The following MB21D2 variants were observed in gnomAD, a reference collection of about 807,000 sequenced individuals.
MB21D2 encodes Mab-21 domain containing 2.
MB21D2 carries 9 observed loss-of-function variants against 33.3 expected under a neutral mutation model. The ratio of observed to expected loss-of-function variants is 0.27; its 90% CI spans 0.16 to 0.47. The LOEUF is 0.47. Among genes scored for constraint, MB21D2 ranks in the 20% least tolerant of loss-of-function variants. MB21D2 has a pLI of 0.99. For synonymous variants in MB21D2, 241 were observed against 236.3 expected, an observed-to-expected ratio of 1.02 and a Z score of -0.18; for missense variants, 540 against 624.6, an observed-to-expected ratio of 0.86 and a Z score of 1.44.
chr3:192,808,119 T>C (rs192945513), intron 1 of MB21D2, among the ~76,000 whole-genome samples: 72 of 152,276 alleles, frequency 4.7e-4, no homozygotes, highest in Middle Eastern at 3.4e-3. Context: ...GGCATGCAAA[T>C]GACATACATC....
intron 1 of MB21D2, among the ~76,000 whole-genome samples, chr3:192,827,185 T>C (rs6444664): frequency 0.67 from 101,350 of 151,616 alleles, 35,984 homozygotes; most frequent in African/African-American, 0.92. Context: ...CGTGAGCCAC[T>C]GCGCCCGGCA....
chr3:192,815,569 G>A (rs904358476), intron 1 of MB21D2, among the ~76,000 whole-genome samples: 5 of 152,196 alleles, frequency 3.3e-5, no homozygotes, highest in African/African-American at 1.2e-4. Context: ...GTTAGAGGAA[G>A]GAATTTACTG....
At chr3:192,873,023 A>G (rs550132857) in intron 1 of MB21D2, among the ~76,000 whole-genome samples, 1 of 151,844 alleles carries the variant, frequency 6.6e-6, no homozygotes, top group East Asian at 1.9e-4. Flanking sequence ...CCCCCCACCA[A>G]GCAAGCAACT....
intron 1 of MB21D2, among the ~76,000 whole-genome samples, chr3:192,911,601 G>C (rs529327625): frequency 1.4e-4 from 21 of 152,242 alleles, no homozygotes; most frequent in Admixed American, 5.9e-4. Context: ...ATTTTGAATT[G>C]TTAGAATCTA....
intron 1 of MB21D2, among the ~76,000 whole-genome samples, chr3:192,901,411 T>TA (rs1560255719): frequency 7.1e-5 from 2 of 28,136 alleles, no homozygotes; most frequent in Non-Finnish European, 1.5e-4. Context: ...CTACTAAAAA[T>TA]TCAAAAAAAA....
rs578222528 is a variant in MB21D2 at position 192,916,781 on chromosome 3, T to G, written c.211+849A>C. Among the ~76,000 whole-genome samples, 7 of 152,276 alleles carry G rather than the reference T, an allele frequency of 4.6e-5. No homozygotes were observed. In the East Asian group the frequency reaches 1.4e-3, roughly 29 times the overall value. On this transcript the variant is annotated intron_variant, in intron 1 of 1. Transcript: ENST00000392452. Reference sequence around the variant, plus strand: ...GTTTCAGGAGCCGTAGGTGAGGGGCTGGAGGTGGGAGTGGGGGACACATTT... The same window carrying G: ...GTTTCAGGAGCCGTAGGTGAGGGGCGGGAGGTGGGAGTGGGGGACACATTT...
At chr3:192,851,706 G>A (rs1352400067) in intron 1 of MB21D2, among the ~76,000 whole-genome samples, 3 of 151,828 alleles carry the variant, frequency 2.0e-5, no homozygotes, top group Non-Finnish European at 4.4e-5. Flanking sequence ...TGCCATGTTT[G>A]CCAGGCTGGT....
At chr3:192,873,104 T>C (rs1713347339) in intron 1 of MB21D2, among the ~76,000 whole-genome samples, 1 of 152,182 alleles carries the variant, frequency 6.6e-6, no homozygotes, top group Non-Finnish European at 1.5e-5. Context: ...GCTCATGTGC[T>C]GCCCTCCCCA....
intron 1 of MB21D2, among the ~76,000 whole-genome samples, chr3:192,837,775 T>C (rs954439687): frequency 4.6e-5 from 7 of 152,182 alleles, no homozygotes; most frequent in East Asian, 1.9e-4. Context: ...CCCCAGGTGA[T>C]TGTCTAATTT....
chr3:192,868,745 C>CT (rs1713222516), intron 1 of MB21D2, among the ~76,000 whole-genome samples: 1 of 152,248 alleles, frequency 6.6e-6, no homozygotes, highest in South Asian at 2.1e-4. Flanking sequence ...AGGATGGTCT[C>CT]TAATATCCCT....
At chr3:192,812,089 T>C (rs1053219532) in intron 1 of MB21D2, among the ~76,000 whole-genome samples, 8 of 152,100 alleles carry the variant, frequency 5.3e-5, no homozygotes, top group African/African-American at 1.9e-4. Flanking sequence ...ACTCTGTTGC[T>C]CAGGCTGGAG....
chr3:192,909,910 C>G (rs1228892715), intron 1 of MB21D2, among the ~76,000 whole-genome samples: 1 of 118,472 alleles, frequency 8.4e-6, no homozygotes, highest in African/African-American at 3.5e-5. Context: ...GCTCTCCAGC[C>G]TGAGTGACAG....
At chr3:192,860,392 TTATC>T (rs1236450435) in intron 1 of MB21D2, among the ~76,000 whole-genome samples, 9 of 152,326 alleles carry the variant, frequency 5.9e-5, no homozygotes, top group African/African-American at 2.2e-4. Flanking sequence ...ATTTATTTAT[TTATC>T]TATTAATTTT....
chr3:192,864,508 T>C (rs1269302032), intron 1 of MB21D2, among the ~76,000 whole-genome samples: 1 of 152,080 alleles, frequency 6.6e-6, no homozygotes, highest in Non-Finnish European at 1.5e-5. Context: ...ACCGTGCTTT[T>C]TGTTGTTGTT....
intron 1 of MB21D2, among the ~76,000 whole-genome samples, chr3:192,897,530 C>A (rs1441410229): frequency 6.6e-6 from 1 of 152,104 alleles, no homozygotes; most frequent in African/African-American, 2.4e-5. Flanking sequence ...GTGATTATGG[C>A]CATATAGGAA....
chr3:192,876,359 T>C (rs7648594), intron 1 of MB21D2, among the ~76,000 whole-genome samples: 93,342 of 152,086 alleles, frequency 0.61, 30,603 homozygotes, highest in African/African-American at 0.84. Flanking sequence ...ACAACTCTGC[T>C]CACTTTGCCT....
At chr3:192,816,515 A>G in intron 1 of MB21D2, among the ~76,000 whole-genome samples, 1 of 152,162 alleles carries the variant, frequency 6.6e-6, no homozygotes, top group East Asian at 1.9e-4. Flanking sequence ...GCAACCCAAA[A>G]AGTAAGGCCT....
intron 1 of MB21D2, among the ~76,000 whole-genome samples, chr3:192,868,920 T>C (rs1713227125): frequency 6.6e-6 from 1 of 152,176 alleles, no homozygotes; most frequent in African/African-American, 2.4e-5. Context: ...GGGACTATGC[T>C]ACTAACCGGA....
intron 1 of MB21D2, among the ~76,000 whole-genome samples, chr3:192,836,405 C>G (rs990005933): frequency 6.6e-6 from 1 of 152,166 alleles, no homozygotes; most frequent in Admixed American, 6.5e-5. Context: ...TGTTGAAGCC[C>G]TAACTCCCAG....
Sources: allele counts gnomAD v4.1 joint callset (sites outside exome capture counted in the v4.1 genomes callset), GRCh38; gene constraint gnomAD v4.1.1; transcripts MANE v1.5; gene names NCBI Gene and HGNC (gene_info 2026-07-23, HGNC 2026-07-21).